The following ABCB5 variants were observed in gnomAD, a reference collection of about 807,000 sequenced individuals.
ABCB5 encodes the protein ATP-binding cassette sub-family B member 5.
ABCB5 carries 155 observed loss-of-function variants against 144.2 expected under a neutral mutation model. The observed-to-expected ratio is 1.08, with a 90% CI of 0.94 to 1.23. The LOEUF is 1.23. Ranked by LOEUF, ABCB5 falls within the 50% of genes most tolerant of loss-of-function variation. The pLI is 0.00. For missense variants in ABCB5, 1,830 were observed against 1,520.8 expected, an observed-to-expected ratio of 1.20 and a Z score of -3.38; for synonymous variants, 610 against 528.6, an observed-to-expected ratio of 1.15 and a Z score of -2.11.
chr7:20,753,781 T>C (rs1244608689), intron 27 of ABCB5, among the ~76,000 whole-genome samples: 1 of 152,218 alleles, frequency 6.6e-6, no homozygotes, highest in African/African-American at 2.4e-5. Flanking sequence ...CAAAATGTTT[T>C]TTCATTCAAG....
At chr7:20,741,457 ATT>A (rs999886967) in intron 24 of ABCB5, among the ~76,000 whole-genome samples, 1 of 152,062 alleles carries the variant, frequency 6.6e-6, no homozygotes, top group Admixed American at 6.6e-5. Flanking sequence ...ACAAAAAGAA[ATT>A]TTTTATACAA....
intron 14 of ABCB5, among the ~76,000 whole-genome samples, chr7:20,674,126 T>C (rs541241235): frequency 6.6e-6 from 1 of 151,962 alleles, no homozygotes; most frequent in Non-Finnish European, 1.5e-5. Context: ...CCATGCCACA[T>C]TGTAACTTTT....
At chr7:20,731,461 T>G (rs893819263) in intron 23 of ABCB5, among the ~76,000 whole-genome samples, 7 of 151,724 alleles carry the variant, frequency 4.6e-5, no homozygotes, top group Non-Finnish European at 4.4e-5. Flanking sequence ...CCCAGACCTT[T>G]CATCTATTAC....
At chr7:20,702,903 C>T (rs541675753) in intron 19 of ABCB5, among the ~76,000 whole-genome samples, 5 of 149,042 alleles carry the variant, frequency 3.4e-5, no homozygotes, top group African/African-American at 1.2e-4. Context: ...GTCTCGATCT[C>T]CTGACCTCGT....
chr7:20,748,089 C>T (rs1782786422), intron 26 of ABCB5, among the ~76,000 whole-genome samples: 2 of 152,156 alleles, frequency 1.3e-5, no homozygotes, highest in South Asian at 4.1e-4. Context: ...TGTATAGAAA[C>T]TCAGCATTTG....
At chr7:20,753,293 G>T in intron 26 of ABCB5, 67 bp from the exon 27 acceptor site, 1 of 1,537,730 alleles carries the variant, frequency 6.5e-7, no homozygotes, top group Non-Finnish European at 8.8e-7. Context: ...GATGGTTCTC[G>T]CCCACAGTTG....
intron 20 of ABCB5, among the ~76,000 whole-genome samples, chr7:20,711,840 C>CTTTCTTTCTTTCTTTCTT (rs1562573756): frequency 1.8e-5 from 1 of 54,748 alleles, no homozygotes; most frequent in Non-Finnish European, 2.9e-5. Flanking sequence ...TTCTTTCTTT[C>CTTTCTTTCTTTCTTTCTT]TTTCTTTTCT....
intron 16 of ABCB5, among the ~76,000 whole-genome samples, chr7:20,689,022 C>T (rs12533092): frequency 0.26 from 39,447 of 151,584 alleles, 5,298 homozygotes; most frequent in Middle Eastern, 0.37. Flanking sequence ...AGGTAAATGA[C>T]GAGTTAATGG....
intron 20 of ABCB5, among the ~76,000 whole-genome samples, chr7:20,717,590 G>T (rs1333980299): frequency 1.3e-5 from 2 of 151,104 alleles, no homozygotes; most frequent in Non-Finnish European, 3.0e-5. Flanking sequence ...TTACAGACAC[G>T]CACCACCATG....
At chr7:20,744,060 TTTTTG>T (rs1312892289) in intron 25 of ABCB5, among the ~76,000 whole-genome samples, 7 of 152,074 alleles carry the variant, frequency 4.6e-5, no homozygotes, top group African/African-American at 1.7e-4. Flanking sequence ...TTTTGTACGT[TTTTTG>T]TTTTGTTTTG....
At position 20,666,803 on chromosome 7, in the gene ABCB5, C is replaced by T. The variant is rs1441723422; in HGVS notation, c.1707+8127C>T. On this transcript the variant is annotated intron_variant, in intron 14 of 27. Coordinates refer to ENST00000404938, the MANE Select transcript of ABCB5 (RefSeq NM_001163941.2). ...ACGTATTGATAATCTACCACACTAT[C>T]TACGTTGAGGTATCTGGAACCACAG... 2.5e-6 allele frequency: 4 copies of T among 1,588,044 alleles called. No homozygotes were observed. The South Asian group carries it at 4.7e-5, about 19-fold the overall frequency.
intron 5 of ABCB5, among the ~76,000 whole-genome samples, chr7:20,642,606 AC>A (rs138553412): frequency 0.014 from 2,093 of 152,122 alleles, 22 homozygotes; most frequent in Non-Finnish European, 0.022. Context: ...GTGTCTCTAG[AC>A]CCTCACACAT....
At position 20,650,887 on chromosome 7, in the gene ABCB5, A is replaced by G. The variant is rs529312567; in HGVS notation, c.1333-533A>G. ...AGGGTTGGTAAGAAATAGAGACTCT[A>G]TGAGTTAGAATTACCAAACCCTGGC... On this transcript the variant is annotated intron_variant, in intron 12 of 27. Transcript: ENST00000404938. Among the ~76,000 whole-genome samples the G allele has an allele frequency of 3.9e-5, 6 of 152,314 alleles. No individual in the cohort carries two copies. In the South Asian group the frequency reaches 1.0e-3, roughly 26 times the overall value.
chr7:20,733,928 C>T (rs116550537), intron 23 of ABCB5, among the ~76,000 whole-genome samples: 219 of 152,264 alleles, frequency 1.4e-3, no homozygotes, highest in African/African-American at 5.1e-3. Context: ...GTGTAAGCCA[C>T]CACACCCAGC....
chr7:20,747,866 C>A (rs1163649605), intron 26 of ABCB5, among the ~76,000 whole-genome samples: 1 of 152,060 alleles, frequency 6.6e-6, no homozygotes, highest in Non-Finnish European at 1.5e-5. Context: ...AGAAAAGCTG[C>A]ATATTACTAA....
intron 26 of ABCB5, among the ~76,000 whole-genome samples, chr7:20,746,106 C>CT (rs112735410): frequency 0.068 from 9,951 of 145,948 alleles, 966 homozygotes; most frequent in African/African-American, 0.22. Flanking sequence ...CCTTAACTTT[C>CT]TTTTTTTTTT....
Position 20,645,805 on chromosome 7 carries a change from G to A in ABCB5, c.728G>A (p.Gly243Glu), listed in dbSNP as rs1784390578. ...SKELSAYSKA[G>E]AVAEEVLSSI... ...GAATTAAGTGCCTATTCCAAAGCTGGGGCTGTGGCAGAAGAAGTCTTGTCA... is the reference window on the plus strand; with the variant it reads ...GAATTAAGTGCCTATTCCAAAGCTGAGGCTGTGGCAGAAGAAGTCTTGTCA... The change falls in exon 8 of 28, where the codon GGG becomes GAG. Residue 243 changes from glycine to glutamate, a missense_variant. Coordinates refer to ENST00000404938, the MANE Select transcript of ABCB5 (RefSeq NM_001163941.2). The A allele has an allele frequency of 6.2e-7, 1 of 1,613,808 alleles. No individual in the cohort carries two copies. The highest frequency in any genetic ancestry group is 1.1e-5 in the South Asian group (1 of 91,076).
At chr7:20,643,694 G>T in intron 7 of ABCB5, 62 bp downstream of exon 7, 1 of 1,570,892 alleles carries the variant, frequency 6.4e-7, no homozygotes, top group Non-Finnish European at 8.7e-7. Context: ...ATGACTCACT[G>T]AGTTTGTTCA....
chr7:20,734,592 C>G (rs954918767), intron 23 of ABCB5, among the ~76,000 whole-genome samples: 1 of 151,436 alleles, frequency 6.6e-6, no homozygotes, highest in Non-Finnish European at 1.5e-5. Context: ...CAGCAAAATT[C>G]TTTAATGTGC....
Sources: allele counts gnomAD v4.1 joint callset (sites outside exome capture counted in the v4.1 genomes callset), GRCh38; gene constraint gnomAD v4.1.1; transcripts MANE v1.5; gene names NCBI Gene and HGNC (gene_info 2026-07-23, HGNC 2026-07-21).